The following DOCK3 variants were observed in gnomAD, a reference collection of about 807,000 sequenced individuals.
DOCK3 encodes dedicator of cytokinesis protein 3.
Under a neutral mutation model 265.6 loss-of-function variants are expected in DOCK3, and 60 were observed. That is an observed-to-expected ratio of 0.23 (90% CI 0.18 to 0.28). DOCK3 has a LOEUF of 0.28. DOCK3 is among the 10% of genes least tolerant of loss of function. The probability of loss-of-function intolerance (pLI) is 1.00; values close to 1 mark genes in which losing one functional copy is unlikely to be tolerated. For missense variants in DOCK3, 1,981 were observed against 2,594.3 expected, an observed-to-expected ratio of 0.76 and a Z score of 5.14; for synonymous variants, 881 against 938.0, an observed-to-expected ratio of 0.94 and a Z score of 1.11.
intron 38 of DOCK3, among the ~76,000 whole-genome samples, chr3:51,342,029 C>T (rs972607170): frequency 9.2e-5 from 14 of 152,320 alleles, no homozygotes; most frequent in Admixed American, 7.8e-4. Flanking sequence ...GGCCCTTGTG[C>T]TGGAAAAACT....
intron 1 of DOCK3, among the ~76,000 whole-genome samples, chr3:50,699,397 T>G (rs549001392): frequency 3.8e-4 from 58 of 152,244 alleles, no homozygotes; most frequent in Non-Finnish European, 6.5e-4. Context: ...GCTATTTGGA[T>G]TCCATGTGTA....
At chr3:51,184,440 C>G (rs1040187627) in intron 12 of DOCK3, among the ~76,000 whole-genome samples, 1 of 150,888 alleles carries the variant, frequency 6.6e-6, no homozygotes, top group Non-Finnish European at 1.5e-5. Flanking sequence ...AAGACATGCT[C>G]AAAATTTTTT....
intron 1 of DOCK3, among the ~76,000 whole-genome samples, chr3:50,757,024 C>T (rs183839204): frequency 6.6e-6 from 1 of 152,036 alleles, no homozygotes; most frequent in African/African-American, 2.4e-5. Context: ...CCACACCTGG[C>T]TAATTTTTCA....
At chr3:51,114,142 G>A (rs2083635126) in intron 9 of DOCK3, among the ~76,000 whole-genome samples, 1 of 152,058 alleles carries the variant, frequency 6.6e-6, no homozygotes, top group African/African-American at 2.4e-5. Context: ...GATTGGAATG[G>A]TAGATATATA....
intron 5 of DOCK3, among the ~76,000 whole-genome samples, chr3:51,017,294 A>G (rs2079387364): frequency 6.6e-6 from 1 of 150,858 alleles, no homozygotes; most frequent in African/African-American, 2.5e-5. Flanking sequence ...AGGCTTGTCA[A>G]TTTTGTTTAT....
intron 13 of DOCK3, 133 bp from the exon 14 acceptor site, chr3:51,213,989 T>C: frequency 1.7e-6 from 2 of 1,175,150 alleles, no homozygotes; most frequent in South Asian, 1.5e-5. Context: ...ACTTATACTG[T>C]CTGCATAAAA....
chr3:51,332,920 C>G, intron 33 of DOCK3, 81 bp from the exon 34 acceptor site: 1 of 1,583,326 alleles, frequency 6.3e-7, no homozygotes, highest in Non-Finnish European at 8.6e-7. Context: ...GGAACTTGTA[C>G]ATGGAAATAG....
intron 1 of DOCK3, among the ~76,000 whole-genome samples, chr3:50,687,708 G>A (rs966318792): frequency 6.6e-6 from 1 of 152,220 alleles, no homozygotes; most frequent in Non-Finnish European, 1.5e-5. Context: ...ATTCTGAAGT[G>A]ACCTCTTTGA....
At position 51,231,121 on chromosome 3, in the gene DOCK3, C is replaced by CTTTTT. The variant is rs754271357; in HGVS notation, c.1917+1533_1917+1537dup. ...TTCGCCAGCATCTGTTATTTTTTGA[C>CTTTTT]TTTTTTTTTTTTTTTTTTTTTTTTT... On this transcript the variant is annotated intron_variant, in intron 19 of 52. Coordinates refer to ENST00000266037, the MANE Select transcript of DOCK3 (RefSeq NM_004947.5). Among the ~76,000 whole-genome samples, 111 of 77,740 alleles carry CTTTTT rather than the reference C, an allele frequency of 1.4e-3. 3 individuals are homozygous for CTTTTT. Among genetic ancestry groups the CTTTTT allele is most frequent in the African/African-American group, 1.9e-3 (37 of 19,752 alleles). 51.0% of individuals were successfully genotyped at this position (77,740 alleles called of 152,430 possible). A position where few individuals can be genotyped will look rare whatever the true frequency, so the allele number is the denominator to read the frequency against.
At chr3:51,077,871 A>C (rs1009188368) in intron 7 of DOCK3, among the ~76,000 whole-genome samples, 3 of 152,204 alleles carry the variant, frequency 2.0e-5, no homozygotes, top group Non-Finnish European at 4.4e-5. Context: ...CTAGGACTGA[A>C]TTAGATAACC....
chr3:51,223,357 G>A (rs962466370), intron 14 of DOCK3, among the ~76,000 whole-genome samples: 6 of 152,022 alleles, frequency 3.9e-5, no homozygotes, highest in Non-Finnish European at 7.4e-5. Context: ...AACTAAAAAC[G>A]TTTGTATAAC....
chr3:51,092,523 T>C (rs1235508432), intron 9 of DOCK3, among the ~76,000 whole-genome samples: 4 of 152,314 alleles, frequency 2.6e-5, no homozygotes, highest in Middle Eastern at 3.4e-3. Context: ...CAGGGACTTA[T>C]AGATAAAACC....
At chr3:51,352,062 A>G (rs564610138) in intron 40 of DOCK3, among the ~76,000 whole-genome samples, 107 of 152,328 alleles carry the variant, frequency 7.0e-4, no homozygotes, top group African/African-American at 2.5e-3. Context: ...CCCCATCAGC[A>G]TAGATCATAT....
chr3:51,119,604 A>G (rs2083917711), intron 9 of DOCK3, among the ~76,000 whole-genome samples: 1 of 152,098 alleles, frequency 6.6e-6, no homozygotes, highest in Admixed American at 6.5e-5. Flanking sequence ...ATATACACCA[A>G]TCAAATGTAG....
At chr3:51,034,529 A>G (rs906712045) in intron 5 of DOCK3, among the ~76,000 whole-genome samples, 1 of 152,108 alleles carries the variant, frequency 6.6e-6, no homozygotes, top group African/African-American at 2.4e-5. Flanking sequence ...ATAAACATAC[A>G]TCCTATTCTA....
rs1355744147 is a variant in DOCK3 at position 50,851,925 on chromosome 3, G to T, written c.162+10210G>T. Among the ~76,000 whole-genome samples, 6 of 152,312 alleles carry T rather than the reference G, an allele frequency of 3.9e-5. No individual in the cohort carries two copies. In the East Asian group the frequency reaches 7.7e-4, roughly 20 times the overall value. ...GGATTAAAAACGACATTCTGCTCTT[G>T]GGCCTGGGCCTGGAAAACTGTATGC... On this transcript the variant is annotated intron_variant, in intron 3 of 52. Coordinates refer to ENST00000266037, the MANE Select transcript of DOCK3 (RefSeq NM_004947.5).
chr3:51,269,497 A>G (rs988280933), intron 23 of DOCK3, among the ~76,000 whole-genome samples: 5 of 152,162 alleles, frequency 3.3e-5, no homozygotes, highest in African/African-American at 7.2e-5. Flanking sequence ...TAGAATTCAT[A>G]TAAGTTCTCC....
chr3:51,218,880 CT>C (rs1433363478), intron 14 of DOCK3, among the ~76,000 whole-genome samples: 1 of 152,176 alleles, frequency 6.6e-6, no homozygotes, highest in Non-Finnish European at 1.5e-5. Context: ...CTTAGTAGGA[CT>C]GTGGTGGGAC....
intron 1 of DOCK3, among the ~76,000 whole-genome samples, chr3:50,713,339 T>G (rs1249189918): frequency 6.6e-6 from 1 of 152,194 alleles, no homozygotes; most frequent in East Asian, 1.9e-4. Context: ...TGCTTTTATA[T>G]GCACTGGGAA....
Sources: allele counts gnomAD v4.1 joint callset (sites outside exome capture counted in the v4.1 genomes callset), GRCh38; gene constraint gnomAD v4.1.1; transcripts MANE v1.5; gene names NCBI Gene and HGNC (gene_info 2026-07-23, HGNC 2026-07-21).